Variants in LSM14B observed in about 807,000 individuals in gnomAD.
LSM14B encodes the protein LSM family member 14B.
LSM14B carries 8 observed loss-of-function variants against 42.1 expected under a neutral mutation model. The observed-to-expected ratio is 0.19, with a 90% CI of 0.11 to 0.34. The LOEUF (loss-of-function observed/expected upper bound fraction) is 0.34, where lower values mean the gene tolerates loss of function less well. Among genes scored for constraint, LSM14B ranks in the 10% least tolerant of loss-of-function variants. LSM14B has a pLI of 1.00. For missense variants in LSM14B, 396 were observed against 513.1 expected (o/e 0.77, Z 2.21); for synonymous variants, 219 against 209.7 (o/e 1.04, Z -0.38).
In LSM14B at chr20:62,133,462, G is replaced by C. The variant is rs372366227; in HGVS notation, c.*1G>C. 37 of 1,611,826 alleles carry C rather than the reference G, an allele frequency of 2.3e-5. No individual in the cohort carries two copies. In the East Asian group the frequency reaches 3.6e-4, roughly 16 times the overall value. On this transcript the variant is annotated 3_prime_UTR_variant, in exon 8 of 9. Transcript: ENST00000279068. ...CAGGGCCGGGACTGGCAGGGTGTGAGGGTGCAGCCAAAGGTGAGTGGATGA... is the reference window on the plus strand; with the variant it reads ...CAGGGCCGGGACTGGCAGGGTGTGACGGTGCAGCCAAAGGTGAGTGGATGA...
At chr20:62,123,424 C>T (rs1190731144) in intron 1 of LSM14B, 2 of 152,390 alleles carry the variant, frequency 1.3e-5, no homozygotes, top group African/African-American at 4.8e-5. Flanking sequence ...GGTTCTCCTG[C>T]TCTATCCTGA....
At chr20:62,126,128 G>A (rs1326790810) in intron 2 of LSM14B, 176 bp from the exon 3 acceptor site, 7 of 776,604 alleles carry the variant, frequency 9.0e-6, no homozygotes, top group East Asian at 2.7e-5. Context: ...CTGAAATGCT[G>A]TGGAAAAGGC....
chr20:62,128,212 T>C (rs1259963434), intron 3 of LSM14B, among the ~76,000 whole-genome samples: 4 of 152,230 alleles, frequency 2.6e-5, no homozygotes, highest in Non-Finnish European at 5.9e-5. Flanking sequence ...ACACCACCTG[T>C]CTCTGTGCTG....
At position 62,133,341 on chromosome 20, in the gene LSM14B, T is replaced by C; in HGVS notation, c.1038T>C (p.Phe346=). The change falls in exon 8 of 9, where the codon TTT becomes TTC. Residue 346 remains phenylalanine (F), a synonymous_variant. Transcript: ENST00000279068. The part of the protein sequence containing the change: ...AEERKLNTET[F]GVSGRFLRGR... ...AGAGGAAGCTCAACACAGAGACCTTTGGGGTGTCAGGGAGGTTTCTTCGTG... is the reference window on the plus strand; with the variant it reads ...AGAGGAAGCTCAACACAGAGACCTTCGGGGTGTCAGGGAGGTTTCTTCGTG... 3.7e-6 allele frequency: 6 copies of C among 1,613,132 alleles called. No homozygotes were observed. The highest frequency in any genetic ancestry group is 5.1e-6 in the Non-Finnish European group (6 of 1,179,562).
intron 3 of LSM14B, among the ~76,000 whole-genome samples, chr20:62,129,419 G>A (rs946388699): frequency 1.1e-4 from 17 of 152,188 alleles, no homozygotes; most frequent in African/African-American, 4.1e-4. Flanking sequence ...GAGCTCCTTT[G>A]GGATTGGAGC....
chr20:62,134,210 G>A lies in LSM14B; in HGVS notation c.*62G>A, dbSNP rs1171727452. ...ACTGACGCTGTGTGTGTCAGGACGC[G>A]AGGAAAACGCTGCACTTACAGGGAG... On this transcript the variant is annotated 3_prime_UTR_variant, in exon 9 of 9. Transcript: ENST00000279068. 3 of 471,046 alleles carry A rather than the reference G, an allele frequency of 6.4e-6. No individual in the cohort carries two copies. The highest frequency in any genetic ancestry group is 2.0e-5 in the African/African-American group (1 of 50,030). The allele number at this position is 471,046 out of a possible 1,614,324, so 29.2% of individuals were successfully genotyped here.
intron 2 of LSM14B, among the ~76,000 whole-genome samples, chr20:62,125,814 C>T (rs1231681862): frequency 6.6e-6 from 1 of 152,170 alleles, no homozygotes; most frequent in African/African-American, 2.4e-5. Context: ...AATCCCAGCA[C>T]TTTGGGAGGC....
In LSM14B at chr20:62,130,200, C is replaced by T. The variant is rs2056726451; in HGVS notation, c.596-19C>T. 10 of 1,582,052 alleles carry T rather than the reference C, an allele frequency of 6.3e-6. No individual in the cohort carries two copies. The highest frequency in any genetic ancestry group is 7.7e-6 in the Non-Finnish European group (9 of 1,164,460). ...GCTGCTATAGGAGCTTTGCCTTACT[C>T]TTCCCTTTTGCGCCGTAGATGTAGT... On this transcript the variant is annotated intron_variant, in intron 4 of 8. Coordinates refer to ENST00000279068, the MANE Select transcript of LSM14B (RefSeq NM_144703.3). This position sits in a 1 kb window ranked among gnomAD's most constrained non-coding sequence, Gnocchi z 4.1.
intron 8 of LSM14B, among the ~76,000 whole-genome samples, chr20:62,133,708 G>T (rs2145647873): frequency 6.6e-6 from 1 of 152,376 alleles, no homozygotes; most frequent in African/African-American, 2.4e-5. Context: ...AAGTGAGATT[G>T]CAGGTATGGG....
chr20:62,130,781 C>T lies in LSM14B; in HGVS notation c.835+90C>T, dbSNP rs1292328938. 12 of 1,347,954 alleles carry T rather than the reference C, an allele frequency of 8.9e-6. No homozygotes were observed. In the African/African-American group the frequency reaches 1.3e-4, roughly 15 times the overall value. The allele number at this position is 1,347,954 out of a possible 1,614,324, so 83.5% of individuals were successfully genotyped here. ...ATGCCTGGCCGGGTGTGGTGGTTCA[C>T]GCCTGTAATCTCAGCACTTTGGGAG... On this transcript the variant is annotated intron_variant, in intron 6 of 8. Transcript: ENST00000279068. This position sits in a 1 kb window ranked among gnomAD's most constrained non-coding sequence, Gnocchi z 4.1.
Position 62,128,965 on chromosome 20 carries a change from G to A in LSM14B, c.428-820G>A, listed in dbSNP as rs1010619540. ...TCAGATCTCTGTTCACTTACACCCAGTCCCACATTGTCCTGTTTAGAGTCC... is the reference window on the plus strand; with the variant it reads ...TCAGATCTCTGTTCACTTACACCCAATCCCACATTGTCCTGTTTAGAGTCC... On this transcript the variant is annotated intron_variant, in intron 3 of 8. Coordinates refer to ENST00000279068, the MANE Select transcript of LSM14B (RefSeq NM_144703.3). 10 of 1,304,082 alleles carry A rather than the reference G, an allele frequency of 7.7e-6. No homozygotes were observed. In the African/African-American group the frequency reaches 1.4e-4, roughly 18 times the overall value. 80.8% of individuals were successfully genotyped at this position (1,304,082 alleles called of 1,614,324 possible).
intron 3 of LSM14B, chr20:62,127,586 G>C (rs536388514): frequency 6.5e-7 from 1 of 1,548,352 alleles, no homozygotes; most frequent in East Asian, 2.4e-5. Flanking sequence ...TTCCTTTAGA[G>C]AAGTTGGTAA....
In LSM14B at chr20:62,130,383, G is replaced by C; in HGVS notation, c.673+87G>C. 6.5e-7 allele frequency: 1 copy of C among 1,528,522 alleles called. No homozygotes were observed. The highest frequency in any genetic ancestry group is 2.0e-5 in the Admixed American group (1 of 51,120). The allele number at this position is 1,528,522 out of a possible 1,614,324, so 94.7% of individuals were successfully genotyped here. The stretch of plus-strand genomic sequence containing the variant: ...CCTCCTGCCTGCTTCTCTGGTTGAC[G>C]GTTTCAGGGGTGCTGGTGTGAAGTC... On this transcript the variant is annotated intron_variant, in intron 5 of 8. Transcript: ENST00000279068. This position sits in a 1 kb window ranked among gnomAD's most constrained non-coding sequence, Gnocchi z 4.1.
intron 6 of LSM14B, 81 bp from the exon 7 acceptor site, chr20:62,131,275 T>G: frequency 6.8e-7 from 1 of 1,477,456 alleles, no homozygotes; most frequent in African/African-American, 1.4e-5. Context: ...GGCTTCCGAG[T>G]GAGCCCGGAG....
At position 62,122,664 on chromosome 20, in the gene LSM14B, G is replaced by T. The variant is rs375594851; in HGVS notation, c.-3G>T. The T allele has an allele frequency of 7.0e-7, 1 of 1,437,862 alleles. No individual in the cohort carries two copies. Among genetic ancestry groups the T allele is most frequent in the East Asian group, 3.3e-5 (1 of 30,694 alleles). 89.1% of individuals were successfully genotyped at this position (1,437,862 alleles called of 1,614,324 possible). ...CGCGGCCCGACGCACCCCGGCCGCC[G>T]CCATGAGCGGCTCCTCAGGCACCCC... On this transcript the variant is annotated 5_prime_UTR_variant, in exon 1 of 9. Coordinates refer to ENST00000279068, the MANE Select transcript of LSM14B (RefSeq NM_144703.3). The surrounding 1 kb of genome is among the most constrained non-coding windows in gnomAD (Gnocchi z 4.6).
intron 2 of LSM14B, among the ~76,000 whole-genome samples, chr20:62,125,978 T>C (rs936723103): frequency 2.6e-5 from 4 of 152,142 alleles, no homozygotes; most frequent in Non-Finnish European, 5.9e-5. Context: ...GGAGAATCGC[T>C]TGAACCTGGG....
intron 3 of LSM14B, 50 bp from the exon 4 acceptor site, chr20:62,129,735 C>T (rs1282872516): frequency 1.3e-6 from 2 of 1,522,522 alleles, no homozygotes; most frequent in Non-Finnish European, 1.8e-6. Context: ...AGATATAAGG[C>T]TTGCTTCTTT....
intron 1 of LSM14B, chr20:62,123,067 G>A (rs1471339905): frequency 5.6e-6 from 1 of 178,596 alleles, no homozygotes; most frequent in Non-Finnish European, 1.2e-5. Flanking sequence ...GCGGGCGCCC[G>A]GCGGTGTTTG....
chr20:62,125,942 C>T (rs1213521292), intron 2 of LSM14B, among the ~76,000 whole-genome samples: 1 of 152,150 alleles, frequency 6.6e-6, no homozygotes, highest in Non-Finnish European at 1.5e-5. Flanking sequence ...CATCTGTAAT[C>T]TCAGCTACTC....
Sources: allele counts gnomAD v4.1 joint callset (sites outside exome capture counted in the v4.1 genomes callset), GRCh38; gene constraint gnomAD v4.1.1; non-coding constraint Gnocchi (gnomAD v3.1); transcripts MANE v1.5; gene names NCBI Gene and HGNC (gene_info 2026-07-23, HGNC 2026-07-21).